BBLN: variants seen among roughly 807,000 people sequenced by gnomAD.
BBLN encodes the protein bublin coiled coil protein.
A neutral mutation model predicts 7.6 loss-of-function variants in BBLN; 6 were observed. That is an observed-to-expected ratio of 0.79 (90% CI 0.43 to 1.55). The LOEUF (loss-of-function observed/expected upper bound fraction) is 1.55. Ranked by LOEUF, BBLN falls within the 40% of genes most tolerant of loss-of-function variation. The pLI, the probability that BBLN is intolerant of heterozygous loss-of-function variation, is 0.01. For synonymous variants in BBLN, 35 were observed against 46.7 expected, an observed-to-expected ratio of 0.75 and a Z score of 1.02; for missense variants, 100 against 111.1, an observed-to-expected ratio of 0.90 and a Z score of 0.45.
chr9:128,163,448 G>A lies in BBLN; in HGVS notation c.85G>A (p.Ala29Thr), dbSNP rs766042254. Residue 29 changes from alanine to threonine, a missense_variant, in exon 2 of 2, where the codon GCT becomes ACT. Transcript: ENST00000372994. This position sits in a 1 kb window ranked among gnomAD's most constrained non-coding sequence, Gnocchi z 5.7. Reference protein sequence around the residue: ...EEDGFGEAEYAAINSMLDQIN... With the variant: ...EEDGFGEAEYTAINSMLDQIN... Reference sequence around the variant, plus strand: ...GTCTTTCGCCTTCCTCCCAGAATACGCTGCCATCAACTCCATGCTGGACCA... The same window carrying A: ...GTCTTTCGCCTTCCTCCCAGAATACACTGCCATCAACTCCATGCTGGACCA... 31 of 1,551,478 alleles carry A rather than the reference G, an allele frequency of 2.0e-5. No homozygotes were observed. Among genetic ancestry groups the A allele is most frequent in the South Asian group, 4.8e-5 (4 of 84,118 alleles).
In BBLN at chr9:128,160,391, G is replaced by T; in HGVS notation, c.-17G>T. On this transcript the variant is annotated 5_prime_UTR_variant, in exon 1 of 2. Transcript: ENST00000372994. Reference sequence around the variant, plus strand: ...GCGTTCCATCGTCGCGCGGCCCTTCGGGCGCCCGAGCCCGCAATGTCGGGC... The same window carrying T: ...GCGTTCCATCGTCGCGCGGCCCTTCTGGCGCCCGAGCCCGCAATGTCGGGC... 8.0e-7 allele frequency: 1 copy of T among 1,250,018 alleles called. No homozygotes were observed. The allele number at this position is 1,250,018 out of a possible 1,614,324, so 77.4% of individuals were successfully genotyped here.
At chr9:128,162,310 T>G (rs994404621) in intron 1 of BBLN, 1 of 152,562 alleles carries the variant, frequency 6.6e-6, no homozygotes, top group South Asian at 2.1e-4. Flanking sequence ...CACCGGCTGC[T>G]TCCCCCTTGG....
chr9:128,163,514 C>G lies in BBLN; in HGVS notation c.151C>G (p.His51Asp). The G allele has an allele frequency of 6.2e-7, 1 of 1,612,492 alleles. No individual in the cohort carries two copies. The change falls in exon 2 of 2, where the codon CAC (histidine) becomes GAC (aspartate). Residue 51 changes from histidine to aspartate, a missense_variant. Coordinates refer to ENST00000372994, the MANE Select transcript of BBLN (RefSeq NM_024112.4). The surrounding 1 kb of genome is among the most constrained non-coding windows in gnomAD (Gnocchi z 5.7). ...GGACCACCTGGAGGAGAAGAATGAC[C>G]ACCTCCACGCCCGCCTCCAGGAGCT... is the stretch of plus-strand genomic sequence containing the variant. ...CLDHLEEKND[H>D]LHARLQELLE...
In BBLN at chr9:128,163,772, C is replaced by T; in HGVS notation, c.*157C>T. On this transcript the variant is annotated 3_prime_UTR_variant, in exon 2 of 2. Coordinates refer to ENST00000372994, the MANE Select transcript of BBLN (RefSeq NM_024112.4). This position sits in a 1 kb window ranked among gnomAD's most constrained non-coding sequence, Gnocchi z 5.7. ...GGCCACCCTTCCTGCCTGGGCCTCCCCTTGGCCTACCTGGGCCAGCCCCCA... is the reference window on the plus strand; with the variant it reads ...GGCCACCCTTCCTGCCTGGGCCTCCTCTTGGCCTACCTGGGCCAGCCCCCA... 1.6e-6 allele frequency: 1 copy of T among 631,764 alleles called. No homozygotes were observed. The highest frequency in any genetic ancestry group is 3.6e-5 in the Admixed American group (1 of 27,992). The allele number at this position is 631,764 out of a possible 1,614,324, so 39.1% of individuals were successfully genotyped here. A position where few individuals can be genotyped will look rare whatever the true frequency, so the allele number is the denominator to read the frequency against.
At position 128,160,489 on chromosome 9, in the gene BBLN, G is replaced by C. The variant is rs982668543; in HGVS notation, c.79+3G>C. ...GGAGGACGGCTTCGGGGAAGCAGGT[G>C]ACCCGAGGGGGCTGCTGGAGCAACC... On this transcript the variant is annotated splice_donor_region_variant and intron_variant, in intron 1 of 1. Coordinates refer to ENST00000372994, the MANE Select transcript of BBLN (RefSeq NM_024112.4). 10 of 1,274,066 alleles carry C rather than the reference G, an allele frequency of 7.8e-6. No individual in the cohort carries two copies. In the African/African-American group the frequency reaches 1.5e-4, roughly 20 times the overall value. The allele number at this position is 1,274,066 out of a possible 1,614,324, so 78.9% of individuals were successfully genotyped here. A position where few individuals can be genotyped will look rare whatever the true frequency, so the allele number is the denominator to read the frequency against.
chr9:128,163,792 C>A lies in BBLN; in HGVS notation c.*177C>A. ...CCTCCCCTTGGCCTACCTGGGCCAG[C>A]CCCCACCACCTGGCATGCCCTCCTG... On this transcript the variant is annotated 3_prime_UTR_variant, in exon 2 of 2. Transcript: ENST00000372994. The surrounding 1 kb of genome is among the most constrained non-coding windows in gnomAD (Gnocchi z 5.7). 1 of 561,506 alleles carries A rather than the reference C, an allele frequency of 1.8e-6. No individual in the cohort carries two copies. Among genetic ancestry groups the A allele is most frequent in the Non-Finnish European group, 3.0e-6 (1 of 329,250 alleles). The allele number at this position is 561,506 out of a possible 1,614,324, so 34.8% of individuals were successfully genotyped here.
At chr9:128,160,546 G>A (rs985082459) in intron 1 of BBLN, 60 bp downstream of exon 1, 1 of 1,118,278 alleles carries the variant, frequency 8.9e-7, no homozygotes, top group Non-Finnish European at 1.2e-6. Flanking sequence ...CCCGGGAAGG[G>A]GAATCGAGAT....
intron 1 of BBLN, among the ~76,000 whole-genome samples, chr9:128,161,853 G>A (rs1018009549): frequency 1.3e-5 from 2 of 152,158 alleles, no homozygotes; most frequent in African/African-American, 4.8e-5. Flanking sequence ...ACGTCGGCTA[G>A]GCTGGTCTCG....
At position 128,163,913 on chromosome 9, in the gene BBLN, G is replaced by C; in HGVS notation, c.*298G>C. On this transcript the variant is annotated 3_prime_UTR_variant, in exon 2 of 2. Coordinates refer to ENST00000372994, the MANE Select transcript of BBLN (RefSeq NM_024112.4). The surrounding 1 kb of genome is among the most constrained non-coding windows in gnomAD (Gnocchi z 5.7). ...CAGGCCTTGAGTGTCCACATTAAAT[G>C]GGTCTCCCACACCGCTGTGCCTCTC... 1 of 359,912 alleles carries C rather than the reference G, an allele frequency of 2.8e-6. No homozygotes were observed. The highest frequency in any genetic ancestry group is 4.7e-5 in the East Asian group (1 of 21,388). 22.3% of individuals were successfully genotyped at this position (359,912 alleles called of 1,614,324 possible). A position where few individuals can be genotyped will look rare whatever the true frequency, so the allele number is the denominator to read the frequency against.
rs185152157 is a variant in BBLN at position 128,163,164 on chromosome 9, C to T, written c.80-279C>T. Among the ~76,000 whole-genome samples, 513 of 152,284 alleles carry T rather than the reference C, an allele frequency of 3.4e-3. 2 individuals carry two copies. Among genetic ancestry groups the T allele is most frequent in the Non-Finnish European group, 6.1e-3 (416 of 68,002 alleles). ...GCAGCTGCTGCAGGAAGTGCAGAGA[C>T]TTGGCATCTGGCAGGACTTCCCATG... On this transcript the variant is annotated intron_variant, in intron 1 of 1. Transcript: ENST00000372994. This position sits in a 1 kb window ranked among gnomAD's most constrained non-coding sequence, Gnocchi z 5.7.
intron 1 of BBLN, among the ~76,000 whole-genome samples, chr9:128,161,436 C>G (rs1206306003): frequency 6.6e-6 from 1 of 152,216 alleles, no homozygotes; most frequent in African/African-American, 2.4e-5. Context: ...GGACTTAGAA[C>G]AGTGGGGAGG....
chr9:128,161,493 C>G (rs150683632), intron 1 of BBLN, among the ~76,000 whole-genome samples: 1 of 152,300 alleles, frequency 6.6e-6, no homozygotes, highest in Non-Finnish European at 1.5e-5. Flanking sequence ...TGGGAAGTAC[C>G]CTTGACACAG....
Position 128,163,571 on chromosome 9 carries a change from T to C in BBLN, c.208T>C (p.Phe70Leu), listed in dbSNP as rs1221779763. The C allele has an allele frequency of 1.9e-6, 3 of 1,596,722 alleles. No homozygotes were observed. The highest frequency in any genetic ancestry group is 1.1e-5 in the South Asian group (1 of 89,178). ...GTCCAACCGGCAGACACGCCTGGAG[T>C]TCCAGCAGCAGCTCGGGGAGGCCCC... The part of the protein sequence containing the change: ...LESNRQTRLE[F>L]QQQLGEAPSD... The change falls in exon 2 of 2, where the codon TTC (phenylalanine) becomes CTC (leucine). Residue 70 changes from phenylalanine to leucine, a missense_variant. Physicochemically the swap from Phe to Leu is conservative, Grantham distance 22. Transcript: ENST00000372994. This position sits in a 1 kb window ranked among gnomAD's most constrained non-coding sequence, Gnocchi z 5.7.
chr9:128,163,595 C>G lies in BBLN; in HGVS notation c.232C>G (p.Pro78Ala), dbSNP rs781483127. ...LEFQQQLGEA[P>A]SDASP Reference sequence around the variant, plus strand: ...GTTCCAGCAGCAGCTCGGGGAGGCCCCCAGTGATGCCAGCCCCTAGGCTCC... The same window carrying G: ...GTTCCAGCAGCAGCTCGGGGAGGCCGCCAGTGATGCCAGCCCCTAGGCTCC... Residue 78 changes from proline to alanine, a missense_variant, in exon 2 of 2, where the codon CCC (proline) becomes GCC (alanine). By Grantham distance (27) the Pro-to-Ala change is conservative. Coordinates refer to ENST00000372994, the MANE Select transcript of BBLN (RefSeq NM_024112.4). The surrounding 1 kb of genome is among the most constrained non-coding windows in gnomAD (Gnocchi z 5.7). The G allele has an allele frequency of 9.6e-6, 15 of 1,557,668 alleles. No individual in the cohort carries two copies. Among genetic ancestry groups the G allele is most frequent in the Non-Finnish European group, 1.3e-5 (15 of 1,150,348 alleles).
rs1829275752 is a variant in BBLN at position 128,163,493 on chromosome 9, C to T, written c.130C>T (p.His44Tyr). Residue 44 changes from histidine to tyrosine, a missense_variant, in exon 2 of 2, where the codon CAC becomes TAC. His to Tyr is a moderately conservative substitution (Grantham distance 83, BLOSUM62 2). Coordinates refer to ENST00000372994, the MANE Select transcript of BBLN (RefSeq NM_024112.4). This position sits in a 1 kb window ranked among gnomAD's most constrained non-coding sequence, Gnocchi z 5.7. ...GGACCAGATCAACTCCTGTCTGGAC[C>T]ACCTGGAGGAGAAGAATGACCACCT... ...MLDQINSCLDHLEEKNDHLHA... is the reference protein window; with the variant it reads ...MLDQINSCLDYLEEKNDHLHA... 1.1e-5 allele frequency: 17 copies of T among 1,610,668 alleles called. No individual in the cohort carries two copies. The highest frequency in any genetic ancestry group is 1.4e-5 in the Non-Finnish European group (17 of 1,178,124).
chr9:128,163,922 A>G lies in BBLN; in HGVS notation c.*307A>G. 3.0e-6 allele frequency: 1 copy of G among 328,886 alleles called. No homozygotes were observed. 20.4% of individuals were successfully genotyped at this position (328,886 alleles called of 1,614,324 possible). A position where few individuals can be genotyped will look rare whatever the true frequency, so the allele number is the denominator to read the frequency against. Reference sequence around the variant, plus strand: ...AGTGTCCACATTAAATGGGTCTCCCACACCGCTGTGCCTCTCTCCTCTGTA... The same window carrying G: ...AGTGTCCACATTAAATGGGTCTCCCGCACCGCTGTGCCTCTCTCCTCTGTA... On this transcript the variant is annotated 3_prime_UTR_variant, in exon 2 of 2. Transcript: ENST00000372994. This position sits in a 1 kb window ranked among gnomAD's most constrained non-coding sequence, Gnocchi z 5.7.
At position 128,163,609 on chromosome 9, in the gene BBLN, C is replaced by T. The variant is rs912891346; in HGVS notation, c.246C>T (p.Ser82=). Residue 82 remains serine (S), a synonymous_variant, in exon 2 of 2, where the codon AGC becomes AGT. Coordinates refer to ENST00000372994, the MANE Select transcript of BBLN (RefSeq NM_024112.4). The surrounding 1 kb of genome is among the most constrained non-coding windows in gnomAD (Gnocchi z 5.7). ...QQLGEAPSDA[S]P is the part of the protein sequence containing the mutation. ...TCGGGGAGGCCCCCAGTGATGCCAG[C>T]CCCTAGGCTCCAAGAGCCCCCAACC... 6.6e-7 allele frequency: 1 copy of T among 1,525,140 alleles called. No homozygotes were observed. The highest frequency in any genetic ancestry group is 8.8e-7 in the Non-Finnish European group (1 of 1,133,246). 94.5% of individuals were successfully genotyped at this position (1,525,140 alleles called of 1,614,324 possible). A position where few individuals can be genotyped will look rare whatever the true frequency, so the allele number is the denominator to read the frequency against.
Position 128,163,718 on chromosome 9 carries a change from C to T in BBLN, c.*103C>T. ...AGACACCTTCTCAAGGGCTGGCCTT[C>T]AGGGACCCCTGGTGGGTCTGCCTGC... On this transcript the variant is annotated 3_prime_UTR_variant, in exon 2 of 2. Coordinates refer to ENST00000372994, the MANE Select transcript of BBLN (RefSeq NM_024112.4). The surrounding 1 kb of genome is among the most constrained non-coding windows in gnomAD (Gnocchi z 5.7). 1 of 1,062,716 alleles carries T rather than the reference C, an allele frequency of 9.4e-7. No individual in the cohort carries two copies. Among genetic ancestry groups the T allele is most frequent in the Non-Finnish European group, 1.3e-6 (1 of 780,112 alleles). 65.8% of individuals were successfully genotyped at this position (1,062,716 alleles called of 1,614,324 possible).
chr9:128,163,465 GCTGGACCAGATCAACTCCTGT>G lies in BBLN; in HGVS notation c.111_131del (p.Gln37_Asp43del). 6.3e-7 allele frequency: 1 copy of G among 1,592,704 alleles called. No homozygotes were observed. Among genetic ancestry groups the G allele is most frequent in the East Asian group, 2.3e-5 (1 of 44,110 alleles). ...CAGAATACGCTGCCATCAACTCCAT[GCTGGACCAGATCAACTCCTGT>G]CTGGACCACCTGGAGGAGAAGAATG... On this transcript the variant is annotated inframe_deletion, in exon 2 of 2. Transcript: ENST00000372994. This position sits in a 1 kb window ranked among gnomAD's most constrained non-coding sequence, Gnocchi z 5.7.
Sources: gnomAD v4.1 joint callset for allele counts (sites outside exome capture counted in the v4.1 genomes callset) on GRCh38, gnomAD v4.1.1 for gene constraint, Gnocchi (gnomAD v3.1) non-coding constraint, MANE v1.5 for transcripts, NCBI Gene and HGNC (gene_info 2026-07-23, HGNC 2026-07-21) for gene names.